Variants in ZFHX3 observed in about 807,000 individuals in gnomAD.
The protein encoded by ZFHX3 is zinc finger homeobox 3.
Under a neutral mutation model 279.1 loss-of-function variants are expected in ZFHX3, and 42 were observed. The ratio of observed to expected loss-of-function variants is 0.15; its 90% CI spans 0.12 to 0.19. The LOEUF (loss-of-function observed/expected upper bound fraction) is 0.19, where lower values mean the gene tolerates loss of function less well. ZFHX3 is among the 10% of genes least tolerant of loss of function. The pLI is 1.00. For synonymous variants in ZFHX3, 2,293 were observed against 1,957.8 expected, an observed-to-expected ratio of 1.17 and a Z score of -4.52; for missense variants, 4,981 against 4,754.0, an observed-to-expected ratio of 1.05 and a Z score of -1.40.
intron 3 of ZFHX3, among the ~76,000 whole-genome samples, chr16:72,940,628 G>A (rs1960367601): frequency 6.6e-6 from 1 of 152,182 alleles, no homozygotes; most frequent in African/African-American, 2.4e-5. Context: ...AAGACAGGAA[G>A]AGAGACTCAA....
chr16:73,580,321 T>C (rs2051846590), intron 2 of ZFHX3, among the ~76,000 whole-genome samples: 1 of 151,716 alleles, frequency 6.6e-6, no homozygotes, highest in South Asian at 2.1e-4. Context: ...CTACTAAAAA[T>C]ACAAAAATTA....
chr16:73,807,832 T>C (rs762299237), intron 1 of ZFHX3, among the ~76,000 whole-genome samples: 16 of 151,872 alleles, frequency 1.1e-4, no homozygotes, highest in South Asian at 4.2e-4. Flanking sequence ...GGGACTCTAA[T>C]GTCTTTTTTT....
intron 2 of ZFHX3, among the ~76,000 whole-genome samples, chr16:73,617,169 A>T (rs2052313469): frequency 6.6e-6 from 1 of 152,210 alleles, no homozygotes. Flanking sequence ...AAAGGTACAG[A>T]AGTCCTGCAA....
chr16:73,593,037 TA>T (rs1012853166), intron 2 of ZFHX3, among the ~76,000 whole-genome samples: 7 of 151,894 alleles, frequency 4.6e-5, no homozygotes, highest in African/African-American at 1.7e-4. Flanking sequence ...GACAAATTCC[TA>T]AAAAAATACA....
intron 3 of ZFHX3, among the ~76,000 whole-genome samples, chr16:72,907,545 T>TGTGTGTGTGTG (rs2039208549): frequency 6.6e-5 from 8 of 120,404 alleles, no homozygotes; most frequent in Middle Eastern, 4.1e-3. Context: ...TTTCCTCTAT[T>TGTGTGTGTGTG]TGTGTGTGTG....
chr16:73,010,537 C>T (rs1963877885), intron 1 of ZFHX3, among the ~76,000 whole-genome samples: 1 of 152,194 alleles, frequency 6.6e-6, no homozygotes, highest in African/African-American at 2.4e-5. Flanking sequence ...TATCAGAGAG[C>T]CCGGCACACA....
chr16:72,858,551 G>A (rs779061484), intron 4 of ZFHX3, among the ~76,000 whole-genome samples: 1 of 152,140 alleles, frequency 6.6e-6, no homozygotes, highest in African/African-American at 2.4e-5. Context: ...CAATATCACT[G>A]GCTGTACATC....
intron 4 of ZFHX3, among the ~76,000 whole-genome samples, chr16:73,291,329 G>A (rs929174753): frequency 2.6e-5 from 4 of 152,194 alleles, no homozygotes; most frequent in Non-Finnish European, 4.4e-5. Context: ...GAAGGCAGGG[G>A]TGAGGAATTC....
chr16:73,760,246 T>C (rs2053850552), intron 1 of ZFHX3, among the ~76,000 whole-genome samples: 1 of 152,042 alleles, frequency 6.6e-6, no homozygotes, highest in African/African-American at 2.4e-5. Context: ...AGAAAGAAAT[T>C]GAATCCCTGA....
At chr16:72,843,207 G>T (rs1279417708) in intron 4 of ZFHX3, among the ~76,000 whole-genome samples, 23 of 151,998 alleles carry the variant, frequency 1.5e-4, no homozygotes, top group Admixed American at 1.5e-3. Flanking sequence ...GAGCAGGATA[G>T]GGCTCCAAAG....
At chr16:73,446,908 C>T (rs778800687) in intron 3 of ZFHX3, among the ~76,000 whole-genome samples, 10 of 152,034 alleles carry the variant, frequency 6.6e-5, no homozygotes, top group Admixed American at 2.6e-4. Flanking sequence ...AGGCTGGGCA[C>T]GGTGGCTCAC....
At chr16:73,808,136 C>T (rs1244929524) in intron 1 of ZFHX3, among the ~76,000 whole-genome samples, 1 of 152,222 alleles carries the variant, frequency 6.6e-6, no homozygotes, top group East Asian at 1.9e-4. Context: ...AGACCAGTTT[C>T]CCTCCTGGGA....
At chr16:73,482,016 C>T (rs575394352) in intron 2 of ZFHX3, among the ~76,000 whole-genome samples, 1 of 152,290 alleles carries the variant, frequency 6.6e-6, no homozygotes, top group East Asian at 1.9e-4. Flanking sequence ...GAAGTGGGTA[C>T]ATATCAGAGG....
chr16:73,855,727 A>G (rs1412324641), intron 1 of ZFHX3, among the ~76,000 whole-genome samples: 2 of 152,192 alleles, frequency 1.3e-5, no homozygotes, highest in African/African-American at 4.8e-5. Context: ...CTTCCCAAAT[A>G]AGCTACATGT....
rs1288256004 is a variant in ZFHX3, at chr16:73,530,006, GGTTAACATATTAGCCT to G, written c.-1546-73764_-1546-73749del. ...GTTGAAATGTATCGCTTGTGTCCTTGGTTAACATATTAGCCTGTTTTCACGCTGCTGATAGAGACAT... is the reference window on the plus strand; with the variant it reads ...GTTGAAATGTATCGCTTGTGTCCTTGGTTTTCACGCTGCTGATAGAGACAT... On this transcript the variant is annotated intron_variant, in intron 2 of 17. Transcript: ENST00000641206. Among the ~76,000 whole-genome samples, 5 of 152,182 alleles carry G rather than the reference GGTTAACATATTAGCCT, an allele frequency of 3.3e-5. No homozygotes were observed. In the East Asian group the frequency reaches 9.6e-4, roughly 29 times the overall value.
At chr16:72,863,674 G>A (rs760949653) in intron 4 of ZFHX3, among the ~76,000 whole-genome samples, 2 of 152,140 alleles carry the variant, frequency 1.3e-5, no homozygotes, top group Admixed American at 6.5e-5. Context: ...GGTATCTGCC[G>A]AGGATGGATG....
At chr16:73,529,524 C>T (rs2019755832) in intron 2 of ZFHX3, among the ~76,000 whole-genome samples, 1 of 151,940 alleles carries the variant, frequency 6.6e-6, no homozygotes, top group Non-Finnish European at 1.5e-5. Flanking sequence ...ACAGCAAAGA[C>T]CTGCTTGGCT....
At chr16:73,068,607 T>C (rs1965784925) in intron 8 of ZFHX3, among the ~76,000 whole-genome samples, 2 of 152,204 alleles carry the variant, frequency 1.3e-5, no homozygotes, top group Non-Finnish European at 2.9e-5. Context: ...TACCAGGCCT[T>C]TTTGTTTTTC....
At chr16:73,495,741 C>T (rs551211219) in intron 2 of ZFHX3, among the ~76,000 whole-genome samples, 8 of 152,290 alleles carry the variant, frequency 5.3e-5, no homozygotes, top group South Asian at 4.1e-4. Flanking sequence ...CTTGACAAGA[C>T]GCCCATTTGA....
Sources: gnomAD v4.1 joint callset for allele counts (sites outside exome capture counted in the v4.1 genomes callset) on GRCh38, gnomAD v4.1.1 for gene constraint, MANE v1.5 for transcripts, NCBI Gene and HGNC (gene_info 2026-07-23, HGNC 2026-07-21) for gene names.